Variants in CD109 observed in about 807,000 individuals in gnomAD.
CD109 encodes the protein CD109 antigen.
A neutral mutation model predicts 165.8 loss-of-function variants in CD109; 149 were observed. That is an observed-to-expected ratio of 0.90 (90% CI 0.79 to 1.03). The LOEUF (loss-of-function observed/expected upper bound fraction) is 1.03, where lower values mean the gene tolerates loss of function less well. CD109 is among the 50% of genes least tolerant of loss of function. The pLI, the probability that CD109 is intolerant of heterozygous loss-of-function variation, is 0.00. For missense variants in CD109, 1,712 were observed against 1,677.8 expected, an observed-to-expected ratio of 1.02 and a Z score of -0.36; for synonymous variants, 585 against 592.1, an observed-to-expected ratio of 0.99 and a Z score of 0.18.
rs756949023 is a variant in CD109, at chr6:73,736,471, C to T, written c.596C>T (p.Pro199Leu). Residue 199 changes from proline to leucine, a missense_variant, in exon 5 of 33, where the codon CCA (proline) becomes CTA (leucine). Physicochemically the swap from Pro to Leu is moderately conservative, Grantham distance 98. Coordinates refer to ENST00000287097, the MANE Select transcript of CD109 (RefSeq NM_133493.5). The stretch of plus-strand genomic sequence containing the variant: ...AAAACTTTTCAGCTATCTTCCCATC[C>T]AATACTTGGTGACTGGTCTATTCAA... Reference protein sequence around the residue: ...ISKTFQLSSHPILGDWSIQVQ... With the variant: ...ISKTFQLSSHLILGDWSIQVQ... The T allele has an allele frequency of 7.2e-5, 116 of 1,613,276 alleles. No individual in the cohort carries two copies. The highest frequency in any genetic ancestry group is 9.3e-5 in the Non-Finnish European group (110 of 1,179,608).
At chr6:73,700,610 A>T (rs1412421689) in intron 2 of CD109, among the ~76,000 whole-genome samples, 3 of 151,972 alleles carry the variant, frequency 2.0e-5, no homozygotes, top group Admixed American at 2.0e-4. Flanking sequence ...TCAAATGGAG[A>T]ATGTATTTAA....
At chr6:73,685,092 CG>C in the CD109 span, among the ~76,000 whole-genome samples, 1 of 151,498 alleles carries the variant, frequency 6.6e-6, no homozygotes, top group Non-Finnish European at 1.5e-5. Context: ...TTAGTGGAGA[CG>C]GGGTTTCACT....
intron 32 of CD109, among the ~76,000 whole-genome samples, chr6:73,820,855 A>G (rs141674190): frequency 6.6e-6 from 1 of 152,322 alleles, no homozygotes; most frequent in African/African-American, 2.4e-5. Context: ...AAATTGGCAT[A>G]TAGAGTCCAG....
At chr6:73,801,642 G>C (rs1272370578) in intron 23 of CD109, among the ~76,000 whole-genome samples, 2 of 152,136 alleles carry the variant, frequency 1.3e-5, no homozygotes, top group Non-Finnish European at 2.9e-5. Flanking sequence ...GGGACTTGAA[G>C]GTGAGAACAC....
intron 23 of CD109, among the ~76,000 whole-genome samples, chr6:73,799,831 A>G (rs1775299243): frequency 6.6e-6 from 1 of 150,420 alleles, no homozygotes; most frequent in Non-Finnish European, 1.5e-5. Context: ...AAATGTATAC[A>G]TATATGTTTT....
the CD109 span, among the ~76,000 whole-genome samples, chr6:73,686,938 C>A: frequency 6.6e-6 from 1 of 152,142 alleles, no homozygotes; most frequent in African/African-American, 2.4e-5. Context: ...GTGATCCACC[C>A]GCCTGGGTCT....
chr6:73,740,043 A>T (rs9360705), intron 5 of CD109, among the ~76,000 whole-genome samples: 7,008 of 150,872 alleles, frequency 0.046, 479 homozygotes, highest in East Asian at 0.29. Context: ...TAGTTAAAAA[A>T]TTTTTTTTTC....
At chr6:73,742,193 GCCC>G (rs869282563) in intron 5 of CD109, among the ~76,000 whole-genome samples, 1 of 90,686 alleles carries the variant, frequency 1.1e-5, no homozygotes, top group African/African-American at 4.6e-5. Context: ...CCACCCCCCA[GCCC>G]CTGGCAGCCA....
chr6:73,779,044 CAG>C (rs565554764), intron 15 of CD109, among the ~76,000 whole-genome samples: 8 of 152,172 alleles, frequency 5.3e-5, no homozygotes, highest in Non-Finnish European at 1.0e-4. Flanking sequence ...TGGCTCCAGA[CAG>C]AGACTCTGTA....
chr6:73,816,128 G>C (rs1031380158), intron 30 of CD109, among the ~76,000 whole-genome samples: 5 of 152,062 alleles, frequency 3.3e-5, no homozygotes, highest in African/African-American at 1.2e-4. Flanking sequence ...TTTATCTTTG[G>C]ACCTTCTTGT....
intron 22 of CD109, among the ~76,000 whole-genome samples, chr6:73,791,937 T>G (rs559241500): frequency 2.0e-5 from 3 of 152,296 alleles, no homozygotes; most frequent in Non-Finnish European, 4.4e-5. Context: ...AGAAAGATAC[T>G]CTTATCTATA....
intron 19 of CD109, among the ~76,000 whole-genome samples, chr6:73,784,160 C>G (rs1562066235): frequency 6.6e-6 from 1 of 152,070 alleles, no homozygotes; most frequent in Non-Finnish European, 1.5e-5. Flanking sequence ...TCTATTTGTC[C>G]TCTTCAAGAA....
intron 2 of CD109, among the ~76,000 whole-genome samples, chr6:73,710,278 A>T (rs1771475270): frequency 6.6e-6 from 1 of 152,196 alleles, no homozygotes; most frequent in African/African-American, 2.4e-5. Flanking sequence ...AAAAATCACC[A>T]GCATTCTTAT....
intron 2 of CD109, among the ~76,000 whole-genome samples, chr6:73,710,222 C>G (rs1230651515): frequency 1.3e-5 from 2 of 152,144 alleles, no homozygotes; most frequent in African/African-American, 4.8e-5. Flanking sequence ...TCTCCTTAAG[C>G]TGATAAGCAA....
intron 4 of CD109, 53 bp downstream of exon 4, chr6:73,730,627 C>G: frequency 8.5e-7 from 1 of 1,175,964 alleles, no homozygotes; most frequent in Non-Finnish European, 1.2e-6. Flanking sequence ...TACTAAACCC[C>G]TCTGGGAAGT....
chr6:73,789,024 CT>C (rs1321124371), intron 22 of CD109, among the ~76,000 whole-genome samples: 4 of 152,198 alleles, frequency 2.6e-5, no homozygotes, highest in Non-Finnish European at 1.5e-5. Flanking sequence ...CTCTCCACCA[CT>C]GGTGAATATC....
At chr6:73,688,242 A>G in the CD109 span, among the ~76,000 whole-genome samples, 1 of 152,130 alleles carries the variant, frequency 6.6e-6, no homozygotes, top group Non-Finnish European at 1.5e-5. Flanking sequence ...GCTGTTGTGC[A>G]ATAAAAAATA....
intron 5 of CD109, among the ~76,000 whole-genome samples, chr6:73,742,719 A>T (rs888218582): frequency 6.6e-6 from 1 of 152,240 alleles, no homozygotes; most frequent in Non-Finnish European, 1.5e-5. Flanking sequence ...AGAGTGGCTT[A>T]GGCATTTGAG....
intron 25 of CD109, among the ~76,000 whole-genome samples, chr6:73,807,553 G>C (rs568139972): frequency 6.6e-6 from 1 of 152,150 alleles, no homozygotes; most frequent in Admixed American, 6.6e-5. Flanking sequence ...ATGAGTATGC[G>C]TGGAAAGGTA....
Sources: allele counts gnomAD v4.1 joint callset (sites outside exome capture counted in the v4.1 genomes callset), GRCh38; gene constraint gnomAD v4.1.1; transcripts MANE v1.5; gene names NCBI Gene and HGNC (gene_info 2026-07-23, HGNC 2026-07-21).